Variants in HEATR5B observed in about 807,000 individuals in gnomAD.
HEATR5B encodes HEAT repeat containing 5B.
In HEATR5B, 156 loss-of-function variants were observed where a neutral mutation model predicts 224.1. The ratio of observed to expected loss-of-function variants is 0.70; its 90% CI spans 0.61 to 0.80. HEATR5B has a LOEUF of 0.80. HEATR5B is among the 30% of genes least tolerant of loss of function. The pLI is 0.00. For missense variants in HEATR5B, 2,323 were observed against 2,535.5 expected, an observed-to-expected ratio of 0.92 and a Z score of 1.80; for synonymous variants, 1,027 against 893.0, an observed-to-expected ratio of 1.15 and a Z score of -2.68.
intron 26 of HEATR5B, among the ~76,000 whole-genome samples, chr2:37,017,568 C>T (rs999661074): frequency 9.3e-5 from 14 of 151,304 alleles, no homozygotes; most frequent in Non-Finnish European, 1.8e-4. Flanking sequence ...CACCTGTAAT[C>T]CCAGCTACTC....
chr2:37,006,840 C>A (rs1026974996), intron 29 of HEATR5B, among the ~76,000 whole-genome samples: 1 of 152,120 alleles, frequency 6.6e-6, no homozygotes, highest in African/African-American at 2.4e-5. Context: ...TGTGAATGAG[C>A]ATGACAGTTA....
At chr2:37,075,998 T>G (rs2148600667) in intron 4 of HEATR5B, 1 of 154,404 alleles carries the variant, frequency 6.5e-6, no homozygotes, top group East Asian at 1.9e-4. Flanking sequence ...AAATAATATA[T>G]AAATGATCCA....
intron 17 of HEATR5B, 113 bp downstream of exon 17, chr2:37,053,389 C>T: frequency 2.1e-6 from 1 of 471,302 alleles, no homozygotes; most frequent in Non-Finnish European, 3.7e-6. Context: ...AACGTAAAGG[C>T]ACAGTTACCA....
At chr2:37,020,617 G>T (rs1475157553) in intron 25 of HEATR5B, 38 bp downstream of exon 25, 18 of 1,433,840 alleles carry the variant, frequency 1.3e-5, no homozygotes, top group East Asian at 4.9e-5. Flanking sequence ...TCTTTCAAAA[G>T]ATCAATTTTA....
At chr2:36,997,518 T>C (rs909766908) in intron 33 of HEATR5B, among the ~76,000 whole-genome samples, 3 of 151,768 alleles carry the variant, frequency 2.0e-5, no homozygotes, top group Admixed American at 6.6e-5. Context: ...AACAGTAAAA[T>C]TGTCCTCTGT....
chr2:37,027,363 TATA>T (rs1250839413), intron 24 of HEATR5B, among the ~76,000 whole-genome samples: 1 of 152,152 alleles, frequency 6.6e-6, no homozygotes, highest in Non-Finnish European at 1.5e-5. Flanking sequence ...GTAAATTCCC[TATA>T]ATAACAGATT....
At chr2:37,070,082 T>C in intron 7 of HEATR5B, 148 bp downstream of exon 7, 1 of 669,592 alleles carries the variant, frequency 1.5e-6, no homozygotes, top group Non-Finnish European at 2.5e-6. Flanking sequence ...GTGTTTTTAG[T>C]AGACATGGGG....
In HEATR5B at chr2:37,032,773, C is replaced by A. The variant is rs750912809; in HGVS notation, c.3217G>T (p.Val1073Phe). The A allele has an allele frequency of 6.2e-7, 1 of 1,608,378 alleles. No individual in the cohort carries two copies. Residue 1073 changes from valine to phenylalanine, a missense_variant and splice_region_variant, in exon 22 of 36, where the codon GTT (valine) becomes TTT (phenylalanine). This residue lies in a region of HEATR5B where 88 missense variants were observed against 86.8 expected (regional missense o/e 1.01). Transcript: ENST00000233099. Reference sequence around the variant, plus strand: ...AACAAATGGGAACTACATAAGTGAACCTGTAAATCATAACAATGTTAGGCG... The same window carrying A: ...AACAAATGGGAACTACATAAGTGAAACTGTAAATCATAACAATGTTAGGCG... ...NLSSLVPSLC[V>F]HLCSSHLLLR...
intron 20 of HEATR5B, among the ~76,000 whole-genome samples, chr2:37,038,360 G>A (rs1003130311): frequency 9.2e-5 from 14 of 151,914 alleles, no homozygotes; most frequent in Non-Finnish European, 1.8e-4. Context: ...GGCTGGTCTC[G>A]AACTTCTGAC....
chr2:36,981,520 T>C lies in HEATR5B; in HGVS notation c.6186A>G (p.Pro2062=). Reference sequence around the variant, plus strand: ...AAAAACTTGTTTTTAGCTTAATTGTTGGTGCAGAATGTATGGCGGGGGCTG... The same window carrying C: ...AAAAACTTGTTTTTAGCTTAATTGTCGGTGCAGAATGTATGGCGGGGGCTG... ...RQPAPAIHSA[P]TIKLKTSFF is the part of the protein sequence containing the mutation. Residue 2062 remains proline (P), a synonymous_variant, in exon 36 of 36, where the codon CCA becomes CCG. Transcript: ENST00000233099. 1 of 1,599,018 alleles carries C rather than the reference T, an allele frequency of 6.3e-7. No individual in the cohort carries two copies. The highest frequency in any genetic ancestry group is 1.1e-5 in the South Asian group (1 of 88,024).
intron 22 of HEATR5B, among the ~76,000 whole-genome samples, chr2:37,029,896 GC>G (rs1669012861): frequency 6.6e-6 from 1 of 151,282 alleles, no homozygotes; most frequent in African/African-American, 2.4e-5. Context: ...CCGAGACCGT[GC>G]CACTACACTC....
At position 37,058,357 on chromosome 2, in the gene HEATR5B, G is replaced by C. The variant is rs1168205532; in HGVS notation, c.2059+94C>G. ...TAAAATGGTGGCCTTCCTTTGCACAGTAAGTCAGTGGGAGAGCCTTTGTCA... is the reference window on the plus strand; with the variant it reads ...TAAAATGGTGGCCTTCCTTTGCACACTAAGTCAGTGGGAGAGCCTTTGTCA... On this transcript the variant is annotated intron_variant, in intron 14 of 35. Coordinates refer to ENST00000233099, the MANE Select transcript of HEATR5B (RefSeq NM_019024.3). 5 of 720,822 alleles carry C rather than the reference G, an allele frequency of 6.9e-6. No individual in the cohort carries two copies. The East Asian group carries it at 1.1e-4, about 15-fold the overall frequency. The allele number at this position is 720,822 out of a possible 1,614,324, so 44.7% of individuals were successfully genotyped here.
chr2:37,005,200 G>C (rs1323332338), intron 30 of HEATR5B, among the ~76,000 whole-genome samples: 2 of 152,058 alleles, frequency 1.3e-5, no homozygotes, highest in African/African-American at 4.8e-5. Flanking sequence ...ATGCCTCCTA[G>C]TGTTCGTATT....
In HEATR5B at chr2:37,037,145, G is replaced by GATATATATATATATATATAT. The variant is rs1553431138; in HGVS notation, c.3216+709_3216+710insATATATATATATATATATAT. ...TTCCGAGTAGGAAAACTAAAAATGT[G>GATATATATATATATATATAT]ATATATATATATATTTTGGAGATGG... On this transcript the variant is annotated intron_variant, in intron 21 of 35. Transcript: ENST00000233099. 7.8e-3 allele frequency among the ~76,000 whole-genome samples: 693 copies of GATATATATATATATATATAT among 89,106 alleles called. 63 individuals are homozygous for GATATATATATATATATATAT. Among genetic ancestry groups the GATATATATATATATATATAT allele is most frequent in the African/African-American group, 0.022 (592 of 26,388 alleles). The allele number at this position is 89,106 out of a possible 152,430, so 58.5% of individuals were successfully genotyped here.
At chr2:37,077,075 T>A in intron 3 of HEATR5B, 56 bp from the exon 4 acceptor site, 1 of 1,378,062 alleles carries the variant, frequency 7.3e-7, no homozygotes, top group Non-Finnish European at 1.0e-6. Flanking sequence ...ACAATTATAC[T>A]TTTCTCATTT....
chr2:37,067,651 A>G (rs2148578908), intron 8 of HEATR5B, among the ~76,000 whole-genome samples: 1 of 152,302 alleles, frequency 6.6e-6, no homozygotes, highest in South Asian at 2.1e-4. Context: ...CACGCCTGTA[A>G]TAACAGCTGA....
chr2:36,998,857 T>C (rs1033793660), intron 33 of HEATR5B, among the ~76,000 whole-genome samples: 1 of 151,998 alleles, frequency 6.6e-6, no homozygotes, highest in African/African-American at 2.4e-5. Flanking sequence ...ATATATTTAA[T>C]ATAACTGACA....
intron 33 of HEATR5B, among the ~76,000 whole-genome samples, chr2:37,000,302 C>T (rs535168031): frequency 1.8e-4 from 28 of 152,192 alleles, no homozygotes; most frequent in Non-Finnish European, 3.8e-4. Flanking sequence ...GTCTCAAACT[C>T]CTGACCTCAG....
chr2:37,075,790 G>C (rs1400308556), intron 4 of HEATR5B, 156 bp from the exon 5 acceptor site: 2 of 469,352 alleles, frequency 4.3e-6, no homozygotes, highest in Non-Finnish European at 7.4e-6. Context: ...ATTCTAGAAA[G>C]TACCTGGCAA....
Sources: gnomAD v4.1 joint callset for allele counts (sites outside exome capture counted in the v4.1 genomes callset) on GRCh38, gnomAD v4.1.1 for gene constraint, gnomAD v4.1.1 regional missense constraint, MANE v1.5 for transcripts, NCBI Gene and HGNC (gene_info 2026-07-23, HGNC 2026-07-21) for gene names.